Variants in POLN observed in about 807,000 individuals in gnomAD.
The protein encoded by POLN is DNA polymerase nu.
Under a neutral mutation model 113.5 loss-of-function variants are expected in POLN, and 108 were observed. The observed-to-expected ratio is 0.95, with a 90% confidence interval of 0.81 to 1.12. POLN has a LOEUF of 1.12. POLN is among the 50% of genes most tolerant of loss of function. The pLI is 0.00. For synonymous variants in POLN, 386 were observed against 391.5 expected (o/e 0.99, Z 0.17); for missense variants, 1,097 against 1,077.1 (o/e 1.02, Z -0.26).
chr4:2,139,150 G>T (rs1448389149), intron 16 of POLN, among the ~76,000 whole-genome samples: 2 of 152,186 alleles, frequency 1.3e-5, no homozygotes, highest in South Asian at 2.1e-4. Context: ...GGTCAGAGGG[G>T]AAGGGCAGAG....
chr4:2,146,442 T>C (rs1732141844), intron 16 of POLN, among the ~76,000 whole-genome samples: 2 of 151,992 alleles, frequency 1.3e-5, no homozygotes, highest in South Asian at 4.1e-4. Flanking sequence ...GAGGCGGAGG[T>C]TGCAGTGAGC....
rs144682084 is a variant in POLN at position 2,169,402 on chromosome 4, C to T, written c.1554+1277G>A. On this transcript the variant is annotated intron_variant, in intron 13 of 25. Transcript: ENST00000511885. ...GGGGGAATGGGGAAAAGGAGGCATG[C>T]TCAGGACCTATTTTGTGGGTAGAGA... Among the ~76,000 whole-genome samples, 273 of 152,276 alleles carry T rather than the reference C, an allele frequency of 1.8e-3. 1 individual carries two copies. Among genetic ancestry groups the T allele is most frequent in the African/African-American group, 6.2e-3 (257 of 41,546 alleles).
rs199647736 is a variant in POLN, at chr4:2,179,270, G to A, written c.1179+38C>T. The stretch of plus-strand genomic sequence containing the variant: ...AAAAAGCTTCCAGAAAAAATAGGAT[G>A]TATTAAGGTTGATAAAACTTTATCT... On this transcript the variant is annotated intron_variant, in intron 8 of 25. Transcript: ENST00000511885. 685 of 1,561,502 alleles carry A rather than the reference G, an allele frequency of 4.4e-4. 1 individual carries two copies. Among genetic ancestry groups the A allele is most frequent in the Non-Finnish European group, 5.6e-4 (636 of 1,142,956 alleles).
chr4:2,208,989 G>GA (rs918403247), intron 4 of POLN, among the ~76,000 whole-genome samples: 2 of 151,364 alleles, frequency 1.3e-5, no homozygotes, highest in African/African-American at 2.4e-5. Flanking sequence ...ACTCTGTCTC[G>GA]AAAAAAAAGC....
chr4:2,149,518 A>AT (rs1198083996), intron 16 of POLN, among the ~76,000 whole-genome samples: 7 of 152,124 alleles, frequency 4.6e-5, no homozygotes, highest in Non-Finnish European at 1.0e-4. Flanking sequence ...GGAAACAGTA[A>AT]CTACATGGGT....
chr4:2,230,758 T>G (rs564665081), intron 2 of POLN: 5 of 152,192 alleles, frequency 3.3e-5, no homozygotes, highest in Non-Finnish European at 1.5e-5. Flanking sequence ...CTTAAAGGTA[T>G]TCCTACAAAG....
At chr4:2,124,573 C>T (rs1007948183) in intron 19 of POLN, among the ~76,000 whole-genome samples, 2 of 152,198 alleles carry the variant, frequency 1.3e-5, no homozygotes, top group Admixed American at 6.5e-5. Context: ...GCCACTGTGC[C>T]AGGCCAATTG....
chr4:2,092,786 A>G (rs1051874644), intron 20 of POLN, among the ~76,000 whole-genome samples: 2 of 152,244 alleles, frequency 1.3e-5, no homozygotes, highest in Non-Finnish European at 2.9e-5. Flanking sequence ...GTAGGTGCAA[A>G]GCTCCTCTAT....
chr4:2,231,760 T>C, intron 2 of POLN: 1 of 494,508 alleles, frequency 2.0e-6, no homozygotes, highest in Non-Finnish European at 3.6e-6. Flanking sequence ...AGCACTGGTA[T>C]TCTGAATGTA....
intron 7 of POLN, among the ~76,000 whole-genome samples, chr4:2,187,537 C>A (rs567636871): frequency 1.3e-5 from 2 of 152,288 alleles, no homozygotes; most frequent in East Asian, 3.9e-4. Context: ...AGCCACTGCG[C>A]CTGGCCCAAA....
chr4:2,169,742 A>T (rs1732814459), intron 13 of POLN, among the ~76,000 whole-genome samples: 1 of 152,188 alleles, frequency 6.6e-6, no homozygotes, highest in African/African-American at 2.4e-5. Context: ...CCTTGTTCTT[A>T]CTTACTACTC....
chr4:2,222,210 CA>C (rs1734275751), intron 3 of POLN, among the ~76,000 whole-genome samples: 1 of 152,004 alleles, frequency 6.6e-6, no homozygotes, highest in Admixed American at 6.6e-5. Flanking sequence ...TATACCAATC[CA>C]AAGGTTCCCA....
intron 20 of POLN, chr4:2,090,090 G>A (rs1577684827): frequency 1.1e-6 from 1 of 931,008 alleles, no homozygotes. Context: ...AAAAATCAAA[G>A]GGTTTGCTAC....
At chr4:2,241,206 C>T (rs1473377048) in intron 2 of POLN, 8 of 365,068 alleles carry the variant, frequency 2.2e-5, no homozygotes, top group East Asian at 2.2e-4. Flanking sequence ...GACAGGTAGT[C>T]GTAGCTGCAA....
Position 2,241,560 on chromosome 4 carries a change from C to T in POLN, c.-53G>A. The T allele has an allele frequency of 1.0e-6, 1 of 985,872 alleles. No individual in the cohort carries two copies. Among genetic ancestry groups the T allele is most frequent in the Non-Finnish European group, 1.2e-6 (1 of 830,272 alleles). 61.1% of individuals were successfully genotyped at this position (985,872 alleles called of 1,614,324 possible). ...GGCAAGGCTCCACCTCCAGAGTCCACCACCGCGACGCGGAGAACAGCAGGA... is the reference window on the plus strand; with the variant it reads ...GGCAAGGCTCCACCTCCAGAGTCCATCACCGCGACGCGGAGAACAGCAGGA... On this transcript the variant is annotated 5_prime_UTR_variant, in exon 2 of 26. It adds an upstream start codon to the 5' untranslated region. Transcript: ENST00000511885.
At chr4:2,091,800 T>TGTGTGTGTGTGCGC (rs577896956) in intron 20 of POLN, among the ~76,000 whole-genome samples, 76 of 144,952 alleles carry the variant, frequency 5.2e-4, no homozygotes, top group African/African-American at 1.8e-3. Flanking sequence ...TGTGTGTGTG[T>TGTGTGTGTGTGCGC]GCGCGCGCTA....
intron 19 of POLN, among the ~76,000 whole-genome samples, chr4:2,116,114 A>T (rs1156981734): frequency 1.3e-5 from 2 of 151,954 alleles, no homozygotes; most frequent in African/African-American, 2.4e-5. Context: ...GGTCTGAAAT[A>T]CCTTAGTTGA....
intron 7 of POLN, among the ~76,000 whole-genome samples, chr4:2,182,338 T>C (rs1265765621): frequency 1.3e-5 from 2 of 152,070 alleles, no homozygotes; most frequent in Non-Finnish European, 2.9e-5. Flanking sequence ...ATGATGGGTG[T>C]CCTTATGAGA....
chr4:2,232,144 A>C, intron 2 of POLN: 4 of 1,541,764 alleles, frequency 2.6e-6, no homozygotes, highest in Non-Finnish European at 3.5e-6. Context: ...AACTTTATGA[A>C]ACTGCTCTGT....
Sources: gnomAD v4.1 joint callset for allele counts (sites outside exome capture counted in the v4.1 genomes callset) on GRCh38, gnomAD v4.1.1 for gene constraint, MANE v1.5 for transcripts, NCBI Gene and HGNC (gene_info 2026-07-23, HGNC 2026-07-21) for gene names.